CAMK1D: variants seen among roughly 807,000 people sequenced by gnomAD.
The protein encoded by CAMK1D is calcium/calmodulin-dependent protein kinase type 1D.
In CAMK1D, 9 loss-of-function variants were observed where a neutral mutation model predicts 47.7. The observed-to-expected ratio is 0.19, with a 90% confidence interval of 0.11 to 0.33. CAMK1D has a LOEUF of 0.33. CAMK1D is among the 10% of genes least tolerant of loss of function. CAMK1D has a pLI of 1.00. For synonymous variants in CAMK1D, 184 were observed against 184.9 expected, an observed-to-expected ratio of 0.99 and a Z score of 0.04; for missense variants, 291 against 488.7, an observed-to-expected ratio of 0.60 and a Z score of 3.81.
chr10:12,395,840 T>G (rs939605155), intron 1 of CAMK1D, among the ~76,000 whole-genome samples: 1 of 151,554 alleles, frequency 6.6e-6, no homozygotes, highest in African/African-American at 2.4e-5. Flanking sequence ...GGCAGGAGAA[T>G]TGCATGAACC....
intron 1 of CAMK1D, among the ~76,000 whole-genome samples, chr10:12,503,759 G>A (rs1170150305): frequency 6.6e-6 from 1 of 152,164 alleles, no homozygotes; most frequent in African/African-American, 2.4e-5. Context: ...TTCAGGGTTA[G>A]GTCCATGGGC....
At chr10:12,584,545 C>T (rs555328520) in intron 2 of CAMK1D, among the ~76,000 whole-genome samples, 4 of 152,134 alleles carry the variant, frequency 2.6e-5, no homozygotes, top group Non-Finnish European at 4.4e-5. Context: ...GTAGGCTGGG[C>T]GTGGTGGCTC....
intron 2 of CAMK1D, among the ~76,000 whole-genome samples, chr10:12,630,279 C>G (rs1839338426): frequency 6.6e-6 from 1 of 151,960 alleles, no homozygotes; most frequent in East Asian, 1.9e-4. Context: ...TCTTTTGTTT[C>G]CCCTTAAATC....
chr10:12,536,910 T>TTGGGATATTTACATA (rs1835990368), intron 1 of CAMK1D, among the ~76,000 whole-genome samples: 1 of 152,232 alleles, frequency 6.6e-6, no homozygotes. Context: ...CTTTCCTCAT[T>TTGGGATATTTACATA]TGGGATATTT....
In CAMK1D at chr10:12,548,031, G is replaced by A. The variant is rs564760900; in HGVS notation, c.93-5194G>A. ...CACCTGCGGTGCTTGCCACGCACAC[G>A]CCCTGGTAGCCACCTGTATCAGCCC... is the stretch of plus-strand genomic sequence containing the variant. On this transcript the variant is annotated intron_variant, in intron 1 of 10. Transcript: ENST00000619168. Among the ~76,000 whole-genome samples, 9 of 152,274 alleles carry A rather than the reference G, an allele frequency of 5.9e-5. No individual in the cohort carries two copies. The East Asian group carries it at 7.7e-4, about 13-fold the overall frequency.
chr10:12,383,118 G>A (rs965440425), intron 1 of CAMK1D, among the ~76,000 whole-genome samples: 2 of 152,112 alleles, frequency 1.3e-5, no homozygotes, highest in African/African-American at 2.4e-5. Context: ...TTTGTTTAGA[G>A]CATCAAACCA....
intron 1 of CAMK1D, among the ~76,000 whole-genome samples, chr10:12,485,668 CTTCT>C (rs1357884302): frequency 6.6e-6 from 1 of 152,168 alleles, no homozygotes; most frequent in African/African-American, 2.4e-5. Context: ...TCTAATTCAG[CTTCT>C]TTATCTGCAA....
chr10:12,489,785 A>C (rs538587351), intron 1 of CAMK1D, among the ~76,000 whole-genome samples: 1 of 151,754 alleles, frequency 6.6e-6, no homozygotes, highest in Admixed American at 6.6e-5. Context: ...GTTATCTGCA[A>C]CTCTCACAGA....
At chr10:12,483,748 G>A (rs1474411804) in intron 1 of CAMK1D, among the ~76,000 whole-genome samples, 12 of 151,966 alleles carry the variant, frequency 7.9e-5, no homozygotes, top group South Asian at 2.1e-4. Flanking sequence ...GTGCAGTGGC[G>A]TGATCTCGGC....
At chr10:12,705,726 G>A (rs1021069637) in intron 3 of CAMK1D, among the ~76,000 whole-genome samples, 5 of 152,204 alleles carry the variant, frequency 3.3e-5, no homozygotes, top group African/African-American at 9.7e-5. Flanking sequence ...CGGCCTTCTT[G>A]CCAAGGGCTG....
intron 3 of CAMK1D, among the ~76,000 whole-genome samples, chr10:12,682,182 T>C (rs912567918): frequency 1.3e-5 from 2 of 152,124 alleles, no homozygotes; most frequent in African/African-American, 4.8e-5. Flanking sequence ...ATCGCGTCAC[T>C]GCACTCCAGC....
At chr10:12,763,314 A>G (rs562061275) in intron 4 of CAMK1D, among the ~76,000 whole-genome samples, 2 of 152,322 alleles carry the variant, frequency 1.3e-5, no homozygotes, top group East Asian at 3.9e-4. Context: ...AGAGCAATAG[A>G]GAGAGGATGA....
At chr10:12,493,318 T>C (rs915481621) in intron 1 of CAMK1D, among the ~76,000 whole-genome samples, 9 of 152,110 alleles carry the variant, frequency 5.9e-5, no homozygotes, top group African/African-American at 2.2e-4. Flanking sequence ...CCTGGGGAGA[T>C]GTGGCCAGCA....
At chr10:12,381,990 A>T (rs1033141907) in intron 1 of CAMK1D, among the ~76,000 whole-genome samples, 7 of 152,198 alleles carry the variant, frequency 4.6e-5, no homozygotes, top group Admixed American at 2.0e-4. Context: ...GGGTTTTTCC[A>T]CACCAGTCCA....
intron 1 of CAMK1D, among the ~76,000 whole-genome samples, chr10:12,350,698 C>T (rs1037604658): frequency 6.6e-6 from 1 of 152,210 alleles, no homozygotes; most frequent in Admixed American, 6.5e-5. Flanking sequence ...CCCTTTCTGC[C>T]CAGGAGTTGG....
intron 1 of CAMK1D, among the ~76,000 whole-genome samples, chr10:12,503,620 A>G (rs1385143040): frequency 6.6e-6 from 1 of 151,838 alleles, no homozygotes; most frequent in African/African-American, 2.4e-5. Context: ...TAGCCAGCTG[A>G]CTCCACCCTT....
intron 6 of CAMK1D, among the ~76,000 whole-genome samples, chr10:12,811,480 CT>C (rs1337865501): frequency 1.3e-5 from 2 of 152,174 alleles, no homozygotes; most frequent in African/African-American, 2.4e-5. Flanking sequence ...ACTTTTAAAT[CT>C]TTTTTCTTAA....
intron 3 of CAMK1D, among the ~76,000 whole-genome samples, chr10:12,679,960 C>G (rs1840937453): frequency 6.6e-6 from 1 of 152,204 alleles, no homozygotes; most frequent in South Asian, 2.1e-4. Flanking sequence ...AGTGGCTCCT[C>G]TCTAAAATGT....
At chr10:12,559,646 T>G (rs545092281) in intron 2 of CAMK1D, among the ~76,000 whole-genome samples, 1 of 152,216 alleles carries the variant, frequency 6.6e-6, no homozygotes, top group East Asian at 1.9e-4. Flanking sequence ...TGAGTTTTGT[T>G]TTGAGAGTGG....
Sources: gnomAD v4.1 joint callset for allele counts (sites outside exome capture counted in the v4.1 genomes callset) on GRCh38, gnomAD v4.1.1 for gene constraint, MANE v1.5 for transcripts, NCBI Gene and HGNC (gene_info 2026-07-23, HGNC 2026-07-21) for gene names.